SORBS2: variants seen among roughly 807,000 people sequenced by gnomAD.
SORBS2 encodes the protein sorbin and SH3 domain containing 2, also known as sorbin and SH3 domain-containing protein 2.
In SORBS2, 46 loss-of-function variants were observed where a neutral mutation model predicts 97.7. That is an observed-to-expected ratio of 0.47 (90% confidence interval 0.37 to 0.60). The LOEUF is 0.60. Ranked by LOEUF, SORBS2 falls within the 20% of genes least tolerant of loss-of-function variation. The pLI is 0.00. For synonymous variants in SORBS2, 476 were observed against 473.4 expected, an observed-to-expected ratio of 1.01 and a Z score of -0.07; for missense variants, 1,316 against 1,282.3, an observed-to-expected ratio of 1.03 and a Z score of -0.40.
chr4:185,690,520 G>C (rs1206018778), intron 2 of SORBS2, 42 bp downstream of exon 4: 24 of 1,392,204 alleles, frequency 1.7e-5, no homozygotes, highest in Non-Finnish European at 2.2e-5. Context: ...ATGATTTTTA[G>C]AGAGCAAGGC....
chr4:185,926,562 T>A (rs2099263824), intron 1 of SORBS2, among the ~76,000 whole-genome samples: 2 of 151,928 alleles, frequency 1.3e-5, no homozygotes, highest in Non-Finnish European at 2.9e-5. Flanking sequence ...TTTGTTTTTT[T>A]TTTAATGGCA....
intron 1 of SORBS2, among the ~76,000 whole-genome samples, chr4:185,931,037 A>T (rs28614100): frequency 0.061 from 8,479 of 139,138 alleles, 420 homozygotes; most frequent in African/African-American, 0.14. Context: ...GAATATATTT[A>T]AAGTGATGAT....
chr4:185,665,858 T>C (rs758680595), intron 4 of SORBS2: 36 of 1,163,402 alleles, frequency 3.1e-5, no homozygotes, highest in Non-Finnish European at 3.7e-5. Context: ...TCCTCCAGCA[T>C]GGCTGTGGAG....
At chr4:185,728,517 G>A (rs530531474) in intron 2 of SORBS2, among the ~76,000 whole-genome samples, 1 of 152,208 alleles carries the variant, frequency 6.6e-6, no homozygotes, top group South Asian at 2.1e-4. Flanking sequence ...ATGGTGGTCG[G>A]TAAGATGATT....
chr4:185,641,996 T>C (rs1412383258), intron 4 of SORBS2, among the ~76,000 whole-genome samples: 1 of 152,230 alleles, frequency 6.6e-6, no homozygotes, highest in African/African-American at 2.4e-5. Context: ...GCATGTGCTT[T>C]CTATACGTTG....
intron 1 of SORBS2, among the ~76,000 whole-genome samples, chr4:185,905,550 ATAATGATACACC>A (rs1327328235): frequency 6.6e-6 from 1 of 152,244 alleles, no homozygotes. Flanking sequence ...TTTCTGAAGC[ATAATGATACACC>A]TATCAAAATG....
chr4:185,859,780 T>C (rs1279910903), intron 1 of SORBS2, among the ~76,000 whole-genome samples: 1 of 152,094 alleles, frequency 6.6e-6, no homozygotes, highest in Non-Finnish European at 1.5e-5. Flanking sequence ...AATGGGAGCA[T>C]ATGGCAGAGG....
At chr4:185,940,356 C>T (rs1318132207) in intron 1 of SORBS2, among the ~76,000 whole-genome samples, 1 of 152,142 alleles carries the variant, frequency 6.6e-6, no homozygotes, top group South Asian at 2.1e-4. Context: ...CATAAATGTG[C>T]TTTTCCCTTT....
intron 1 of SORBS2, among the ~76,000 whole-genome samples, chr4:185,861,708 C>T (rs2603734): frequency 7.3e-5 from 11 of 151,436 alleles, no homozygotes; most frequent in Non-Finnish European, 1.3e-4. Flanking sequence ...CAGGTTCAAG[C>T]GATCCTCCTG....
At chr4:185,903,917 T>C (rs2099249187) in intron 1 of SORBS2, among the ~76,000 whole-genome samples, 1 of 152,232 alleles carries the variant, frequency 6.6e-6, no homozygotes, top group African/African-American at 2.4e-5. Context: ...AAGATCATAC[T>C]TGACTTAGAA....
intron 1 of SORBS2, among the ~76,000 whole-genome samples, chr4:185,942,728 T>C (rs1217160950): frequency 6.6e-6 from 1 of 152,208 alleles, no homozygotes; most frequent in Non-Finnish European, 1.5e-5. Context: ...TTGCCCCTTA[T>C]TTTATCTCCA....
At chr4:185,660,997 G>A (rs928808463), upstream of SORBS2, among the ~76,000 whole-genome samples, 1 of 151,954 alleles carries the variant, frequency 6.6e-6, no homozygotes, top group African/African-American at 2.4e-5. Context: ...TTTATGGGCC[G>A]GGCACGGTGG....
At chr4:185,678,635 T>C in intron 3 of SORBS2, 88 bp from the exon 7 acceptor site, 1 of 1,381,600 alleles carries the variant, frequency 7.2e-7, no homozygotes, top group East Asian at 2.5e-5. Context: ...TCCAAAATCA[T>C]TTTTATTTCC....
chr4:185,776,841 G>A (rs574634341), intron 1 of SORBS2, among the ~76,000 whole-genome samples: 42 of 151,192 alleles, frequency 2.8e-4, no homozygotes, highest in African/African-American at 9.0e-4. Flanking sequence ...TGGAGGTTGC[G>A]GTGAGCTGAG....
chr4:185,925,486 T>TC (rs1044643157), intron 1 of SORBS2, among the ~76,000 whole-genome samples: 1 of 151,940 alleles, frequency 6.6e-6, no homozygotes, highest in Non-Finnish European at 1.5e-5. Flanking sequence ...AAAACGCATC[T>TC]CCCCCCAGAG....
At chr4:185,807,322 C>G (rs1041473609) in intron 1 of SORBS2, among the ~76,000 whole-genome samples, 1 of 151,996 alleles carries the variant, frequency 6.6e-6, no homozygotes, top group Non-Finnish European at 1.5e-5. Flanking sequence ...AAGTAAGACC[C>G]TTGATTGGAT....
intron 1 of SORBS2, among the ~76,000 whole-genome samples, chr4:185,919,090 G>A (rs2149912978): frequency 6.6e-6 from 1 of 152,256 alleles, no homozygotes; most frequent in East Asian, 1.9e-4. Context: ...TGGGAACTCA[G>A]GAAGAATCAG....
chr4:185,610,782 T>C (rs1355276414), intron 12 of SORBS2, among the ~76,000 whole-genome samples: 1 of 152,194 alleles, frequency 6.6e-6, no homozygotes, highest in East Asian at 1.9e-4. Flanking sequence ...TAGCTTTTCA[T>C]GTCCTAGCCT....
intron 4 of SORBS2, among the ~76,000 whole-genome samples, chr4:185,634,684 A>T (rs1223646553): frequency 6.6e-6 from 1 of 152,058 alleles, no homozygotes; most frequent in East Asian, 1.9e-4. Context: ...GCTGCCATAA[A>T]TTTTTCACCT....
Sources: gnomAD v4.1 joint callset for allele counts (sites outside exome capture counted in the v4.1 genomes callset) on GRCh38, gnomAD v4.1.1 for gene constraint, MANE v1.5 for transcripts, NCBI Gene and HGNC (gene_info 2026-07-23, HGNC 2026-07-21) for gene names.